LSP1: variants seen among roughly 807,000 people sequenced by gnomAD.
LSP1 encodes lymphocyte-specific protein 1.
A neutral mutation model predicts 49.3 loss-of-function variants in LSP1; 32 were observed. That is an observed-to-expected ratio of 0.65 (90% confidence interval 0.49 to 0.87). The LOEUF is 0.87. Among genes scored for constraint, LSP1 ranks in the 40% least tolerant of loss-of-function variants. LSP1 has a pLI of 0.00. For synonymous variants in LSP1, 179 were observed against 178.8 expected (o/e 1.00, Z -0.01); for missense variants, 428 against 442.6 (o/e 0.97, Z 0.30).
chr11:1,856,232 G>T (rs150912869), intron 1 of LSP1, among the ~76,000 whole-genome samples: 1 of 152,182 alleles, frequency 6.6e-6, no homozygotes, highest in Non-Finnish European at 1.5e-5. Flanking sequence ...CCCCATGAGC[G>T]ACCAGGCCGT....
intron 1 of LSP1, chr11:1,866,638 C>A: frequency 1.3e-6 from 2 of 1,550,384 alleles, no homozygotes; most frequent in Non-Finnish European, 1.7e-6. Context: ...CCAGGCTCTG[C>A]TGGTCAGACC....
chr11:1,871,045 C>T, intron 1 of LSP1: 15 of 985,586 alleles, frequency 1.5e-5, no homozygotes, highest in Non-Finnish European at 1.7e-5. Context: ...TAGACGCATG[C>T]GAGGGTGAGA....
rs990564467 is a variant in LSP1 at position 1,891,844 on chromosome 11, C to G, written c.*85C>G. On this transcript the variant is annotated 3_prime_UTR_variant, in exon 11 of 11. Transcript: ENST00000311604. ...AGGGGAGATTCCAGCCAGACACCCG[C>G]CCCCCGGCCCTGGCTAAGAAGTTGC... 6.6e-6 allele frequency: 1 copy of G among 152,382 alleles called. No homozygotes were observed. The highest frequency in any genetic ancestry group is 1.5e-5 in the Non-Finnish European group (1 of 68,198). 9.4% of individuals were successfully genotyped at this position (152,382 alleles called of 1,614,324 possible). A position where few individuals can be genotyped will look rare whatever the true frequency, so the allele number is the denominator to read the frequency against.
At chr11:1,868,711 C>T (rs1484793755) in intron 1 of LSP1, 2 of 985,640 alleles carry the variant, frequency 2.0e-6, no homozygotes, top group Non-Finnish European at 2.4e-6. Context: ...CCGTCCTGCC[C>T]AGAAGCCCAG....
At chr11:1,871,232 G>A (rs1847990790) in intron 1 of LSP1, 48 of 986,598 alleles carry the variant, frequency 4.9e-5, no homozygotes, top group Non-Finnish European at 5.7e-5. Flanking sequence ...GCAGGCACGG[G>A]GCAGGCAGAG....
At chr11:1,890,302 G>A in intron 10 of LSP1, 2 of 711,910 alleles carry the variant, frequency 2.8e-6, no homozygotes, top group East Asian at 2.7e-5. Context: ...GCTTCAGGAA[G>A]GCGTGGGGCT....
At chr11:1,880,325 G>A in intron 2 of LSP1, 101 bp downstream of exon 2, 1 of 1,362,570 alleles carries the variant, frequency 7.3e-7, no homozygotes, top group Non-Finnish European at 9.6e-7. Context: ...GGGGGTTCCA[G>A]TGCAGGATGA....
intron 1 of LSP1, among the ~76,000 whole-genome samples, chr11:1,855,291 A>G (rs1847459937): frequency 6.6e-6 from 1 of 152,162 alleles, no homozygotes; most frequent in African/African-American, 2.4e-5. Context: ...GGAAGCCCCC[A>G]CACGGGAGTC....
rs1848685199 is a variant in LSP1 at position 1,884,675 on chromosome 11, C to T, written c.717+94C>T. 1 of 1,032,394 alleles carries T rather than the reference C, an allele frequency of 9.7e-7. No individual in the cohort carries two copies. The highest frequency in any genetic ancestry group is 1.4e-5 in the South Asian group (1 of 72,006). 64.0% of individuals were successfully genotyped at this position (1,032,394 alleles called of 1,614,324 possible). On this transcript the variant is annotated intron_variant, in intron 7 of 10. Coordinates refer to ENST00000311604, the MANE Select transcript of LSP1 (RefSeq NM_002339.3). The surrounding 1 kb of genome is among the most constrained non-coding windows in gnomAD (Gnocchi z 4.1). The stretch of plus-strand genomic sequence containing the variant: ...CGCCCTTCCATCCAATCAGTGCCGC[C>T]TTATTCAACCAACACCCTATCCAAC...
chr11:1,853,228 G>A, intron 1 of LSP1, 31 bp downstream of exon 1: 1 of 1,600,276 alleles, frequency 6.2e-7, no homozygotes, highest in South Asian at 1.1e-5. Flanking sequence ...CCGGCGCCCT[G>A]TGCCGTGTCC....
chr11:1,866,813 C>A (rs1847806461), intron 1 of LSP1: 1 of 1,550,088 alleles, frequency 6.5e-7, no homozygotes, highest in Non-Finnish European at 8.7e-7. Context: ...GGAGGAGGGG[C>A]AGAGCCCCTG....
At chr11:1,865,165 G>A in intron 1 of LSP1, 4 of 985,830 alleles carry the variant, frequency 4.1e-6, no homozygotes, top group Non-Finnish European at 4.8e-6. Context: ...CCGGGGCTGG[G>A]GTCAGGCCAG....
At chr11:1,871,325 CGCAGATGGGG>C (rs1847997685) in intron 1 of LSP1, 1 of 986,090 alleles carries the variant, frequency 1.0e-6, no homozygotes, top group Non-Finnish European at 1.2e-6. Context: ...GGCTGGTCGC[CGCAGATGGGG>C]GCAGAGATGT....
At chr11:1,879,952 G>C (rs991259796) in intron 1 of LSP1, 135 bp from the exon 2 acceptor site, 1 of 1,060,636 alleles carries the variant, frequency 9.4e-7, no homozygotes, top group Non-Finnish European at 1.4e-6. Flanking sequence ...CCTGAGGGCC[G>C]GCCTGGGACT....
chr11:1,882,526 C>T (rs943084226), intron 3 of LSP1, among the ~76,000 whole-genome samples: 11 of 152,152 alleles, frequency 7.2e-5, no homozygotes, highest in African/African-American at 2.2e-4. Flanking sequence ...CTCCCCCCTA[C>T]GTGCTTGGGA....
chr11:1,860,874 A>C (rs1847611832), intron 1 of LSP1, among the ~76,000 whole-genome samples: 1 of 152,224 alleles, frequency 6.6e-6, no homozygotes, highest in African/African-American at 2.4e-5. Flanking sequence ...GGATGGCTGG[A>C]ATATGGACAT....
At chr11:1,882,046 C>T (rs1283406755) in intron 3 of LSP1, among the ~76,000 whole-genome samples, 1 of 152,182 alleles carries the variant, frequency 6.6e-6, no homozygotes, top group Non-Finnish European at 1.5e-5. Context: ...GATCTCCATT[C>T]CCACGGAGGG....
At chr11:1,888,794 C>T in intron 10 of LSP1, 1 of 235,620 alleles carries the variant, frequency 4.2e-6, no homozygotes, top group Non-Finnish European at 8.2e-6. Flanking sequence ...GAGGCCCAGG[C>T]CCCTGAGGAG....
rs1848632701 is a variant in LSP1, at chr11:1,883,489, G to A, written c.427G>A (p.Glu143Lys). Reference protein sequence around the residue: ...VHLEELSLSKEGPGPEDTVQD... With the variant: ...VHLEELSLSKKGPGPEDTVQD... ...CCTGGAGGAGTTGAGTCTGAGCAAG[G>A]AGGGGCCAGGCCCAGAGGACACTGT... The change falls in exon 4 of 11, where the codon GAG becomes AAG. Residue 143 changes from glutamate (E) to lysine (K), a missense_variant. Coordinates refer to ENST00000311604, the MANE Select transcript of LSP1 (RefSeq NM_002339.3). 2 of 1,613,956 alleles carry A rather than the reference G, an allele frequency of 1.2e-6. No homozygotes were observed. Among genetic ancestry groups the A allele is most frequent in the African/African-American group, 1.3e-5 (1 of 74,948 alleles).
Sources: gnomAD v4.1 joint callset for allele counts (sites outside exome capture counted in the v4.1 genomes callset) on GRCh38, gnomAD v4.1.1 for gene constraint, Gnocchi (gnomAD v3.1) non-coding constraint, MANE v1.5 for transcripts, NCBI Gene and HGNC (gene_info 2026-07-23, HGNC 2026-07-21) for gene names.